SRGAP3: variants seen among roughly 807,000 people sequenced by gnomAD.
SRGAP3 encodes the protein SLIT-ROBO Rho GTPase activating protein 3, also known as SLIT-ROBO Rho GTPase-activating protein 3.
A neutral mutation model predicts 121.1 loss-of-function variants in SRGAP3; 39 were observed. The observed-to-expected ratio is 0.32, with a 90% CI of 0.25 to 0.42. The LOEUF is 0.42. Ranked by LOEUF, SRGAP3 falls within the 10% of genes least tolerant of loss-of-function variation. SRGAP3 has a pLI of 1.00. For synonymous variants in SRGAP3, 601 were observed against 570.0 expected (o/e 1.05, Z -0.77); for missense variants, 1,213 against 1,470.6 (o/e 0.82, Z 2.86).
chr3:9,269,664 C>G (rs940126807), intron 3 of SRGAP3, among the ~76,000 whole-genome samples: 1 of 152,132 alleles, frequency 6.6e-6, no homozygotes, highest in African/African-American at 2.4e-5. Context: ...AGTAAGGAGG[C>G]CTTTCACAAA....
intron 3 of SRGAP3, among the ~76,000 whole-genome samples, chr3:9,313,225 C>G (rs1020520165): frequency 1.3e-5 from 2 of 152,178 alleles, no homozygotes; most frequent in Non-Finnish European, 2.9e-5. Context: ...AAAGCTTTCT[C>G]CCTCCCTAGA....
At chr3:9,221,661 C>A (rs1340663238) in intron 1 of SRGAP3, among the ~76,000 whole-genome samples, 1 of 151,962 alleles carries the variant, frequency 6.6e-6, no homozygotes, top group East Asian at 1.9e-4. Flanking sequence ...TGGCTCTGTC[C>A]ATGCTGATCT....
intron 1 of SRGAP3, among the ~76,000 whole-genome samples, chr3:9,210,803 C>G (rs1952421368): frequency 1.3e-5 from 2 of 152,132 alleles, no homozygotes; most frequent in Non-Finnish European, 2.9e-5. Flanking sequence ...GCACTCCAGC[C>G]TGGGTCACAG....
intron 3 of SRGAP3, among the ~76,000 whole-genome samples, chr3:9,302,993 A>G (rs1018060973): frequency 2.0e-5 from 3 of 152,186 alleles, no homozygotes; most frequent in African/African-American, 7.2e-5. Context: ...TTATAAACCA[A>G]TGTAGATGAT....
At chr3:9,316,346 G>C (rs1435444100) in intron 3 of SRGAP3, among the ~76,000 whole-genome samples, 72 of 147,786 alleles carry the variant, frequency 4.9e-4, no homozygotes, top group African/African-American at 1.7e-3. Flanking sequence ...ACCACACTCA[G>C]CCTTCTTGGT....
chr3:9,010,337 T>C lies in SRGAP3; in HGVS notation c.2198A>G (p.Asn733Ser), dbSNP rs766164111. ...ATCGCTGGTATGAGGCTCAGTGCCA[T>C]TGTCATGGTCAACTTCATCGATGGC... ...PGAIDEVDHDNGTEPHTSDEE... is the reference protein window; with the variant it reads ...PGAIDEVDHDSGTEPHTSDEE... Residue 733 changes from asparagine (N) to serine (S), a missense_variant, in exon 18 of 22, where the codon AAT (asparagine) becomes AGT (serine). Asn to Ser is a conservative substitution (Grantham distance 46). Around this residue, in one of 2 missense-constraint regions of SRGAP3, gnomAD observed 793 missense variants for 1,032.9 expected, o/e 0.77. Transcript: ENST00000383836. The C allele has an allele frequency of 2.5e-6, 4 of 1,614,076 alleles. No individual in the cohort carries two copies. The highest frequency in any genetic ancestry group is 1.3e-5 in the African/African-American group (1 of 75,002).
At chr3:9,066,260 T>A (rs1466779615) in intron 4 of SRGAP3, among the ~76,000 whole-genome samples, 1 of 152,210 alleles carries the variant, frequency 6.6e-6, no homozygotes, top group Non-Finnish European at 1.5e-5. Flanking sequence ...CTTTCTATGC[T>A]AAGAAACAAA....
At chr3:9,063,584 C>T (rs1441307075) in intron 5 of SRGAP3, among the ~76,000 whole-genome samples, 1 of 152,106 alleles carries the variant, frequency 6.6e-6, no homozygotes, top group Non-Finnish European at 1.5e-5. Context: ...AACGATCCTC[C>T]CGCCTTGGCC....
At chr3:9,042,128 A>G (rs372429767) in intron 10 of SRGAP3, among the ~76,000 whole-genome samples, 75 of 151,862 alleles carry the variant, frequency 4.9e-4, no homozygotes, top group African/African-American at 1.6e-3. Context: ...AGAGAGAGAG[A>G]GAAATAAGTG....
chr3:9,233,525 C>T (rs1953301308), intron 1 of SRGAP3, among the ~76,000 whole-genome samples: 1 of 152,182 alleles, frequency 6.6e-6, no homozygotes, highest in Non-Finnish European at 1.5e-5. Context: ...CCACTTTTAT[C>T]TTTTACACCT....
intron 2 of SRGAP3, among the ~76,000 whole-genome samples, chr3:9,105,164 G>C (rs1175805927): frequency 6.6e-6 from 1 of 152,214 alleles, no homozygotes; most frequent in Non-Finnish European, 1.5e-5. Flanking sequence ...TAAACCAATT[G>C]TTTTTTAAAT....
intron 6 of SRGAP3, chr3:9,059,303 T>C (rs1574998482): frequency 6.6e-6 from 1 of 152,072 alleles, no homozygotes; most frequent in Admixed American, 6.6e-5. Context: ...GCTCAATTAA[T>C]ATATGGTAAA....
intron 3 of SRGAP3, among the ~76,000 whole-genome samples, chr3:9,325,176 C>T (rs1955497693): frequency 6.6e-6 from 1 of 151,770 alleles, no homozygotes; most frequent in African/African-American, 2.4e-5. Flanking sequence ...TGGCTGCATG[C>T]AAACATTTAA....
At chr3:9,071,614 A>T (rs1946719088) in intron 4 of SRGAP3, among the ~76,000 whole-genome samples, 1 of 151,976 alleles carries the variant, frequency 6.6e-6, no homozygotes, top group Non-Finnish European at 1.5e-5. Context: ...ACAAACCAGA[A>T]GTGGGAGAGA....
chr3:8,993,043 G>C lies in SRGAP3; in HGVS notation c.2421C>G (p.Phe807Leu). 2 of 1,614,162 alleles carry C rather than the reference G, an allele frequency of 1.2e-6. No homozygotes were observed. The highest frequency in any genetic ancestry group is 1.7e-6 in the Non-Finnish European group (2 of 1,180,052). Residue 807 changes from phenylalanine (F) to leucine (L), a missense_variant, in exon 20 of 22, where the codon TTC (phenylalanine) becomes TTG (leucine). Physicochemically the swap from Phe to Leu is conservative, Grantham distance 22. Coordinates refer to ENST00000383836, the MANE Select transcript of SRGAP3 (RefSeq NM_014850.4). ...CAGCCTTCTGGCTCAGGCTGTCGGA[G>C]AAGGCATCATCCCTGGGGAGAAGAC... ...YIVVQDMDDAFSDSLSQKADS... is the reference protein window; with the variant it reads ...YIVVQDMDDALSDSLSQKADS...
intron 4 of SRGAP3, chr3:9,065,158 G>GT (rs1189519696): frequency 6.6e-6 from 1 of 152,168 alleles, no homozygotes; most frequent in African/African-American, 2.4e-5. Flanking sequence ...CCCAAAATGA[G>GT]TAATATTAAG....
At chr3:9,302,304 C>T (rs1955072708) in intron 3 of SRGAP3, among the ~76,000 whole-genome samples, 1 of 152,154 alleles carries the variant, frequency 6.6e-6, no homozygotes, top group Admixed American at 6.5e-5. Flanking sequence ...CGGGAGGGTG[C>T]GTCCCTGGGT....
At chr3:9,211,475 T>C (rs1952443913) in intron 1 of SRGAP3, among the ~76,000 whole-genome samples, 1 of 152,204 alleles carries the variant, frequency 6.6e-6, no homozygotes, top group Non-Finnish European at 1.5e-5. Context: ...TCCCCCAGTG[T>C]TAACCTCAGT....
chr3:9,108,184 A>G (rs547774812), intron 2 of SRGAP3, among the ~76,000 whole-genome samples: 1 of 152,302 alleles, frequency 6.6e-6, no homozygotes, highest in East Asian at 1.9e-4. Flanking sequence ...TGTCCTGTAC[A>G]CTAGAATCAA....
Sources: gnomAD v4.1 joint callset for allele counts (sites outside exome capture counted in the v4.1 genomes callset) on GRCh38, gnomAD v4.1.1 for gene constraint, gnomAD v4.1.1 regional missense constraint, MANE v1.5 for transcripts, NCBI Gene and HGNC (gene_info 2026-07-23, HGNC 2026-07-21) for gene names.